Variants in DEDD2 observed in about 807,000 individuals in gnomAD.
DEDD2 encodes the protein death effector domain containing 2.
DEDD2 carries 18 observed loss-of-function variants against 28.9 expected under a neutral mutation model. The observed-to-expected ratio is 0.62, with a 90% CI of 0.43 to 0.92. DEDD2 has a LOEUF of 0.92. Among genes scored for constraint, DEDD2 ranks in the 40% least tolerant of loss-of-function variants. The pLI is 0.00. For missense variants in DEDD2, 411 were observed against 463.3 expected (o/e 0.89, Z 1.04); for synonymous variants, 211 against 206.1 (o/e 1.02, Z -0.20).
At chr19:42,219,922 C>A (rs2036100126), upstream of DEDD2, among the ~76,000 whole-genome samples, 1 of 152,192 alleles carries the variant, frequency 6.6e-6, no homozygotes, top group Admixed American at 6.5e-5. Flanking sequence ...TCACTTCACA[C>A]CAGTAAAACA....
chr19:42,217,056 C>T lies in DEDD2; in HGVS notation c.-38-11G>A, dbSNP rs753441244. 8 of 1,535,746 alleles carry T rather than the reference C, an allele frequency of 5.2e-6. No homozygotes were observed. The highest frequency in any genetic ancestry group is 6.2e-6 in the Non-Finnish European group (7 of 1,134,420). ...AGCTCAGAACCCGGCCTAGAACCCA[C>T]ACAGCGGGGAGGGGGCAGTGGTCAG... On this transcript the variant is annotated splice_polypyrimidine_tract_variant and intron_variant, in intron 1 of 4. Transcript: ENST00000596251.
chr19:42,212,612 A>G (rs549295939), intron 3 of DEDD2, among the ~76,000 whole-genome samples: 2 of 151,970 alleles, frequency 1.3e-5, no homozygotes, highest in African/African-American at 4.8e-5. Flanking sequence ...CTACACGTGC[A>G]CATCACCATG....
intron 4 of DEDD2, among the ~76,000 whole-genome samples, chr19:42,204,226 C>T (rs1382355476): frequency 6.6e-6 from 1 of 152,182 alleles, no homozygotes; most frequent in African/African-American, 2.4e-5. Flanking sequence ...ATGAACCTCA[C>T]TCAAGTCGTC....
intron 3 of DEDD2, among the ~76,000 whole-genome samples, chr19:42,213,130 A>G (rs1347197825): frequency 6.6e-6 from 1 of 152,184 alleles, no homozygotes; most frequent in Non-Finnish European, 1.5e-5. Context: ...GAATGATACA[A>G]ACACATGAAG....
chr19:42,212,737 C>T (rs1166931563), intron 3 of DEDD2, among the ~76,000 whole-genome samples: 2 of 151,908 alleles, frequency 1.3e-5, no homozygotes, highest in East Asian at 1.9e-4. Flanking sequence ...ACTGCTGGGG[C>T]TACAGGTGTG....
chr19:42,201,326 A>G (rs2035321956), intron 4 of DEDD2, among the ~76,000 whole-genome samples: 1 of 152,232 alleles, frequency 6.6e-6, no homozygotes, highest in Admixed American at 6.5e-5. Flanking sequence ...CTCTCTGAGC[A>G]TGGGTTCCTG....
At chr19:42,200,619 T>A (rs2146848547) in intron 4 of DEDD2, among the ~76,000 whole-genome samples, 1 of 152,230 alleles carries the variant, frequency 6.6e-6, no homozygotes, top group South Asian at 2.1e-4. Flanking sequence ...GCTAAGATGA[T>A]GGGTTGGAAG....
chr19:42,212,365 C>CA (rs1186792803), intron 3 of DEDD2, among the ~76,000 whole-genome samples: 3 of 150,732 alleles, frequency 2.0e-5, no homozygotes, highest in Non-Finnish European at 3.0e-5. Context: ...GACTCCATCT[C>CA]AAAAAAAAGT....
chr19:42,217,678 G>A (rs1181709116), upstream of DEDD2: 1 of 152,754 alleles, frequency 6.5e-6, no homozygotes, highest in Non-Finnish European at 1.5e-5. Flanking sequence ...GCAGCCACTT[G>A]TTTTGGATCT....
intron 1 of DEDD2, 71 bp downstream of exon 1, chr19:42,217,561 C>A: frequency 6.2e-6 from 1 of 160,276 alleles, no homozygotes; most frequent in South Asian, 1.5e-4. Flanking sequence ...GGCGGCCCCG[C>A]CCGCTCCCCA....
chr19:42,210,143 T>C (rs1330084397), intron 3 of DEDD2, among the ~76,000 whole-genome samples: 1 of 151,986 alleles, frequency 6.6e-6, no homozygotes, highest in African/African-American at 2.4e-5. Context: ...GCATTGTTTA[T>C]CATGATGAAA....
At chr19:42,200,559 G>C (rs1379417297) in intron 4 of DEDD2, among the ~76,000 whole-genome samples, 1 of 152,198 alleles carries the variant, frequency 6.6e-6, no homozygotes, top group Non-Finnish European at 1.5e-5. Context: ...GCTTGCGGCT[G>C]GACCTGTGCT....
chr19:42,216,863 G>A lies in DEDD2; in HGVS notation c.145C>T (p.Leu49=). ...ECELELLAFL[L]DEAPGAAGGL... ...CCGGCGGCGCCAGGAGCCTCATCCA[G>A]CAGAAAGGCCAGGAGCTCCAGCTCG... Residue 49 remains leucine, a synonymous_variant, in exon 2 of 5, where the codon CTG becomes TTG. Transcript: ENST00000596251. The A allele has an allele frequency of 1.3e-6, 2 of 1,594,388 alleles. No homozygotes were observed. Among genetic ancestry groups the A allele is most frequent in the Non-Finnish European group, 1.7e-6 (2 of 1,171,066 alleles).
chr19:42,203,138 A>C (rs2035396982), intron 4 of DEDD2, among the ~76,000 whole-genome samples: 1 of 152,196 alleles, frequency 6.6e-6, no homozygotes, highest in African/African-American at 2.4e-5. Flanking sequence ...GCAGAGCTGG[A>C]ATTTTACCTC....
chr19:42,213,993 T>C (rs2035865993), intron 3 of DEDD2, among the ~76,000 whole-genome samples: 1 of 152,140 alleles, frequency 6.6e-6, no homozygotes, highest in African/African-American at 2.4e-5. Context: ...AATTTAGGGG[T>C]AAAGCATCCT....
intron 4 of DEDD2, among the ~76,000 whole-genome samples, chr19:42,209,495 T>A (rs1042474455): frequency 1.3e-5 from 2 of 151,904 alleles, no homozygotes; most frequent in Non-Finnish European, 2.9e-5. Flanking sequence ...CTGAAGGAGG[T>A]GGCACAAGAT....
intron 4 of DEDD2, among the ~76,000 whole-genome samples, chr19:42,206,375 C>A (rs1410650934): frequency 1.3e-5 from 2 of 152,182 alleles, no homozygotes; most frequent in Admixed American, 1.3e-4. Context: ...CATCTGAAAT[C>A]TCTCTCTTGG....
intron 4 of DEDD2, among the ~76,000 whole-genome samples, chr19:42,209,008 C>T (rs1174861428): frequency 2.2e-4 from 33 of 152,254 alleles, no homozygotes; most frequent in African/African-American, 6.3e-4. Flanking sequence ...AAGGCTGAGG[C>T]GGGTGGATCA....
At chr19:42,212,874 C>T (rs1387287148) in intron 3 of DEDD2, among the ~76,000 whole-genome samples, 1 of 152,192 alleles carries the variant, frequency 6.6e-6, no homozygotes, top group Non-Finnish European at 1.5e-5. Context: ...ACTAAGATTA[C>T]AGGCATGAGC....
Sources: allele counts gnomAD v4.1 joint callset (sites outside exome capture counted in the v4.1 genomes callset), GRCh38; gene constraint gnomAD v4.1.1; transcripts MANE v1.5; gene names NCBI Gene and HGNC (gene_info 2026-07-23, HGNC 2026-07-21).